The following CALD1 variants were observed in gnomAD, a reference collection of about 807,000 sequenced individuals.
The protein encoded by CALD1 is caldesmon.
CALD1 carries 33 observed loss-of-function variants against 99.9 expected under a neutral mutation model. The observed-to-expected ratio is 0.33, with a 90% confidence interval of 0.25 to 0.44. The LOEUF (loss-of-function observed/expected upper bound fraction) is 0.44, where lower values mean the gene tolerates loss of function less well. Ranked by LOEUF, CALD1 falls within the 20% of genes least tolerant of loss-of-function variation. CALD1 has a pLI of 1.00. For synonymous variants in CALD1, 310 were observed against 325.0 expected, an observed-to-expected ratio of 0.95 and a Z score of 0.50; for missense variants, 861 against 962.1, an observed-to-expected ratio of 0.89 and a Z score of 1.39.
chr7:134,827,971 GCAAA>G (rs1310553578), intron 1 of CALD1, among the ~76,000 whole-genome samples: 1 of 152,172 alleles, frequency 6.6e-6, no homozygotes, highest in Admixed American at 6.5e-5. Flanking sequence ...CTGTGACTGG[GCAAA>G]GGGGGCAGGT....
At chr7:134,727,976 G>A in the CALD1 span, among the ~76,000 whole-genome samples, 1 of 152,150 alleles carries the variant, frequency 6.6e-6, no homozygotes, top group South Asian at 2.1e-4. Context: ...AGAAGTAAAC[G>A]ATCCAAGTCT....
chr7:134,712,891 A>G, the CALD1 span, among the ~76,000 whole-genome samples: 2 of 152,236 alleles, frequency 1.3e-5, no homozygotes, highest in Non-Finnish European at 2.9e-5. Flanking sequence ...AGAGGAAAAC[A>G]TGCCTGAAAA....
intron 1 of CALD1, among the ~76,000 whole-genome samples, chr7:134,826,338 C>G (rs750442741): frequency 6.6e-6 from 1 of 152,110 alleles, no homozygotes; most frequent in South Asian, 2.1e-4. Context: ...GTTGCTCCTT[C>G]GTCATGTTTG....
At chr7:134,904,818 AG>A (rs1231233671) in intron 3 of CALD1, among the ~76,000 whole-genome samples, 1 of 152,108 alleles carries the variant, frequency 6.6e-6, no homozygotes. Flanking sequence ...AGAACAGAAA[AG>A]GGGATTATCC....
chr7:134,833,316 C>G (rs1356835500), intron 1 of CALD1, among the ~76,000 whole-genome samples: 1 of 152,084 alleles, frequency 6.6e-6, no homozygotes, highest in Non-Finnish European at 1.5e-5. Flanking sequence ...TATGAAATAT[C>G]TTATTAATGT....
rs116812108 is a variant in CALD1, at chr7:134,826,339, G to A, written c.-129-17545G>A. 5.0e-3 allele frequency among the ~76,000 whole-genome samples: 761 copies of A among 152,082 alleles called. 10 individuals are homozygous for A. The highest frequency in any genetic ancestry group is 0.017 in the African/African-American group (718 of 41,504). On this transcript the variant is annotated intron_variant, in intron 1 of 14. Transcript: ENST00000361675. ...TCTGTTCTGCTGATGTTGCTCCTTC[G>A]TCATGTTTGAAATATTCTCACACCT... is the stretch of plus-strand genomic sequence containing the variant.
the CALD1 span, among the ~76,000 whole-genome samples, chr7:134,730,107 C>G: frequency 1.3e-5 from 2 of 152,228 alleles, no homozygotes; most frequent in East Asian, 3.9e-4. Flanking sequence ...AACTTTAGTT[C>G]TGGGAGCCTG....
chr7:134,776,322 T>C (rs367802928), upstream of CALD1, among the ~76,000 whole-genome samples: 3 of 152,310 alleles, frequency 2.0e-5, no homozygotes, highest in African/African-American at 7.2e-5. Context: ...TCCAAGAGTT[T>C]TTTTTCCAAA....
chr7:134,860,561 A>G (rs1800519869), intron 2 of CALD1, among the ~76,000 whole-genome samples: 1 of 152,246 alleles, frequency 6.6e-6, no homozygotes, highest in African/African-American at 2.4e-5. Context: ...AATCTAGAAT[A>G]GAAATCCAGT....
At chr7:134,841,203 C>T (rs923492971) in intron 1 of CALD1, among the ~76,000 whole-genome samples, 6 of 152,070 alleles carry the variant, frequency 3.9e-5, no homozygotes, top group African/African-American at 7.2e-5. Flanking sequence ...TTAAATGACT[C>T]GTACAAGGTC....
intron 13 of CALD1, chr7:134,961,271 T>G (rs1320922094): frequency 6.6e-6 from 1 of 152,242 alleles, no homozygotes; most frequent in Admixed American, 6.5e-5. Flanking sequence ...TTTTCACCTT[T>G]TTGTTGAATG....
the CALD1 span, among the ~76,000 whole-genome samples, chr7:134,721,978 G>A: frequency 1.3e-5 from 2 of 152,136 alleles, no homozygotes; most frequent in Non-Finnish European, 2.9e-5. Context: ...GATCTATGGT[G>A]GGGTTTTTCT....
chr7:134,829,434 T>C (rs1799134464), intron 1 of CALD1, among the ~76,000 whole-genome samples: 1 of 152,216 alleles, frequency 6.6e-6, no homozygotes, highest in Non-Finnish European at 1.5e-5. Flanking sequence ...ATTCCAACTT[T>C]GACTTTGTGG....
the CALD1 span, among the ~76,000 whole-genome samples, chr7:134,738,248 C>G: frequency 7.3e-3 from 1,117 of 152,330 alleles, 19 homozygotes; most frequent in African/African-American, 0.026. Flanking sequence ...CACACGCTAA[C>G]TTGCTTGGTT....
At chr7:134,734,334 C>T in the CALD1 span, among the ~76,000 whole-genome samples, 1 of 140,490 alleles carries the variant, frequency 7.1e-6, no homozygotes, top group Non-Finnish European at 1.5e-5. Context: ...CTACTGTTTA[C>T]TGTGGTTTTT....
intron 3 of CALD1, among the ~76,000 whole-genome samples, chr7:134,904,749 C>T (rs1449710444): frequency 6.6e-6 from 1 of 152,052 alleles, no homozygotes; most frequent in African/African-American, 2.4e-5. Flanking sequence ...AATCTCCCTG[C>T]ATCGAGCTCT....
intron 13 of CALD1, 36 bp downstream of exon 13, chr7:134,960,664 C>G (rs1168661293): frequency 1.6e-6 from 2 of 1,280,760 alleles, no homozygotes; most frequent in African/African-American, 1.5e-5. Flanking sequence ...TTTCTTTGAT[C>G]TCCCAGCTTC....
At chr7:134,875,667 T>C (rs1361291522) in intron 3 of CALD1, among the ~76,000 whole-genome samples, 1 of 152,208 alleles carries the variant, frequency 6.6e-6, no homozygotes, top group Non-Finnish European at 1.5e-5. Context: ...AGCCCAGATT[T>C]TCGTCACCGT....
intron 1 of CALD1, chr7:134,809,572 C>T: frequency 6.6e-6 from 1 of 152,300 alleles, no homozygotes. Context: ...TTGTTACATT[C>T]TGCTCATGTC....
Sources: gnomAD v4.1 joint callset for allele counts (sites outside exome capture counted in the v4.1 genomes callset) on GRCh38, gnomAD v4.1.1 for gene constraint, MANE v1.5 for transcripts, NCBI Gene and HGNC (gene_info 2026-07-23, HGNC 2026-07-21) for gene names.